The following ECE1 variants were observed in gnomAD, a reference collection of about 807,000 sequenced individuals.
The protein encoded by ECE1 is endothelin-converting enzyme 1.
Under a neutral mutation model 98.6 loss-of-function variants are expected in ECE1, and 35 were observed. The ratio of observed to expected loss-of-function variants is 0.35; its 90% CI spans 0.27 to 0.47. The LOEUF (loss-of-function observed/expected upper bound fraction) is 0.47. Ranked by LOEUF, ECE1 falls within the 20% of genes least tolerant of loss-of-function variation. The pLI is 1.00. For synonymous variants in ECE1, 394 were observed against 407.1 expected (o/e 0.97, Z 0.39); for missense variants, 814 against 1,025.3 (o/e 0.79, Z 2.81).
chr1:21,226,676 T>A (rs925036454), intron 16 of ECE1, among the ~76,000 whole-genome samples: 5 of 152,142 alleles, frequency 3.3e-5, no homozygotes, highest in African/African-American at 1.2e-4. Context: ...ACTATTAAAA[T>A]TTTGCCACCA....
rs1639480370 is a variant in ECE1, at chr1:21,345,436, A to T, written c.-58T>A. On this transcript the variant is annotated 5_prime_UTR_variant, in exon 1 of 19. Transcript: ENST00000415912. This position sits in a 1 kb window ranked among gnomAD's most constrained non-coding sequence, Gnocchi z 5.1. Reference sequence around the variant, plus strand: ...TCCCCGCGCCCGGCTCCCGATTCCCAGCTCCGGGTTCCCTGCTCCCAGCCC... The same window carrying T: ...TCCCCGCGCCCGGCTCCCGATTCCCTGCTCCGGGTTCCCTGCTCCCAGCCC... 3.1e-6 allele frequency: 4 copies of T among 1,298,614 alleles called. No homozygotes were observed. The highest frequency in any genetic ancestry group is 4.0e-6 in the Non-Finnish European group (4 of 1,010,666). The allele number at this position is 1,298,614 out of a possible 1,614,324, so 80.4% of individuals were successfully genotyped here. A position where few individuals can be genotyped will look rare whatever the true frequency, so the allele number is the denominator to read the frequency against.
intron 1 of ECE1, among the ~76,000 whole-genome samples, chr1:21,323,126 T>C (rs1418304545): frequency 1.3e-5 from 2 of 152,218 alleles, no homozygotes; most frequent in East Asian, 3.8e-4. Flanking sequence ...CCTTTTTATT[T>C]TATGATGCAA....
At chr1:21,264,153 G>A (rs1270399285) in intron 4 of ECE1, among the ~76,000 whole-genome samples, 1 of 152,164 alleles carries the variant, frequency 6.6e-6, no homozygotes, top group South Asian at 2.1e-4. Context: ...TTAGGAAGGA[G>A]CTTCAGTGCA....
chr1:21,309,717 A>T (rs1229954013), intron 1 of ECE1, among the ~76,000 whole-genome samples: 1 of 152,094 alleles, frequency 6.6e-6, no homozygotes, highest in African/African-American at 2.4e-5. Context: ...AGCCTCTTCA[A>T]TCAGGACCCT....
At chr1:21,297,309 C>A (rs1638381587) in intron 1 of ECE1, among the ~76,000 whole-genome samples, 2 of 152,214 alleles carry the variant, frequency 1.3e-5, no homozygotes, top group East Asian at 3.9e-4. Flanking sequence ...TGGTCAGCAG[C>A]CTCTCACTCC....
At position 21,327,491 on chromosome 1, in the gene ECE1, C is replaced by T. The variant is rs1639105213; in HGVS notation, c.3+17885G>A. Reference sequence around the variant, plus strand: ...ATTTTCTGATGCCACTCTTGCCCTCCCCACTCAAGTCAAGTTGGATCATCT... The same window carrying T: ...ATTTTCTGATGCCACTCTTGCCCTCTCCACTCAAGTCAAGTTGGATCATCT... On this transcript the variant is annotated intron_variant, in intron 1 of 18. Transcript: ENST00000415912. The surrounding 1 kb of genome is among the most constrained non-coding windows in gnomAD (Gnocchi z 4.6). Among the ~76,000 whole-genome samples the T allele has an allele frequency of 6.6e-6, 1 of 152,198 alleles. No homozygotes were observed. Among genetic ancestry groups the T allele is most frequent in the Non-Finnish European group, 1.5e-5 (1 of 68,026 alleles).
At chr1:21,288,892 G>C (rs1213043897) in intron 2 of ECE1, among the ~76,000 whole-genome samples, 1 of 149,618 alleles carries the variant, frequency 6.7e-6, no homozygotes, top group Admixed American at 6.7e-5. Flanking sequence ...AATCCCTACA[G>C]GTCTCAGGGG....
At chr1:21,343,750 T>G (rs778012680) in intron 1 of ECE1, among the ~76,000 whole-genome samples, 1 of 152,182 alleles carries the variant, frequency 6.6e-6, no homozygotes, top group Non-Finnish European at 1.5e-5. Flanking sequence ...AATAGGCTGG[T>G]GGGCTTCTTC....
At chr1:21,291,716 A>G (rs1046274414), upstream of ECE1, among the ~76,000 whole-genome samples, 1 of 152,144 alleles carries the variant, frequency 6.6e-6, no homozygotes, top group Admixed American at 6.5e-5. Context: ...AATCCTAGCT[A>G]CTCAGGAGGC....
In ECE1 at chr1:21,260,371, C is replaced by T. The variant is rs779283812; in HGVS notation, c.515G>A (p.Ser172Asn). ...TACTTGCGCCTTTCTCTCTGCCTCGCTCACGCTGGCCGTGGAGTTTTCTGG... is the reference window on the plus strand; with the variant it reads ...TACTTGCGCCTTTCTCTCTGCCTCGTTCACGCTGGCCGTGGAGTTTTCTGG... ...HLLENSTASV[S>N]EAERKAQVYY... Residue 172 changes from serine to asparagine, a missense_variant, in exon 5 of 19, where the codon AGC becomes AAC. By Grantham distance (46) the Ser-to-Asn change is conservative. Coordinates refer to ENST00000374893, the MANE Select transcript of ECE1 (RefSeq NM_001397.3). The surrounding 1 kb of genome is among the most constrained non-coding windows in gnomAD (Gnocchi z 4.3). 3 of 1,614,268 alleles carry T rather than the reference C, an allele frequency of 1.9e-6. No individual in the cohort carries two copies. Among genetic ancestry groups the T allele is most frequent in the Non-Finnish European group, 2.5e-6 (3 of 1,180,058 alleles).
rs3026865 is a variant in ECE1, at chr1:21,273,112, C to G, written c.281-201G>C. Among the ~76,000 whole-genome samples, 202 of 152,374 alleles carry G rather than the reference C, an allele frequency of 1.3e-3. 1 individual carries two copies. The East Asian group carries it at 0.031, about 24-fold the overall frequency. ...AGACTTCTACTCAGCTGTCTAAAAT[C>G]CTTCCTGTGGCTAAAAGGTACCCAG... On this transcript the variant is annotated intron_variant, in intron 3 of 18. Transcript: ENST00000374893.
intron 6 of ECE1, among the ~76,000 whole-genome samples, chr1:21,257,953 G>A (rs2098222026): frequency 6.6e-6 from 1 of 152,194 alleles, no homozygotes; most frequent in Admixed American, 6.5e-5. Context: ...GAACCTTTCT[G>A]ATTCTCAGGT....
Position 21,307,797 on chromosome 1 carries a change from T to C in ECE1, c.4-17641A>G, listed in dbSNP as rs1638631025. 6.6e-6 allele frequency among the ~76,000 whole-genome samples: 1 copy of C among 151,520 alleles called. No individual in the cohort carries two copies. The highest frequency in any genetic ancestry group is 2.4e-5 in the African/African-American group (1 of 41,366). ...ATGGGAAGGGACAGATAAGCCTCTATGAAAGGTGGCCAGGCACAGGAAAGA... is the reference window on the plus strand; with the variant it reads ...ATGGGAAGGGACAGATAAGCCTCTACGAAAGGTGGCCAGGCACAGGAAAGA... On this transcript the variant is annotated intron_variant, in intron 1 of 18. Transcript: ENST00000415912. The surrounding 1 kb of genome is among the most constrained non-coding windows in gnomAD (Gnocchi z 4.2).
chr1:21,313,816 C>A (rs369991764), intron 1 of ECE1, among the ~76,000 whole-genome samples: 13 of 152,288 alleles, frequency 8.5e-5, no homozygotes, highest in East Asian at 7.7e-4. Flanking sequence ...TGAAAAGGCA[C>A]ATGGGGAATT....
In ECE1 at chr1:21,225,566, A is replaced by G. The variant is rs1573929717; in HGVS notation, c.1850-126T>C. ...CCCGTCCTCCAGCCACCATGGGGAG[A>G]CGAGGTCCCTGTGAGTGCCGAGGGA... On this transcript the variant is annotated intron_variant, in intron 16 of 18. Coordinates refer to ENST00000374893, the MANE Select transcript of ECE1 (RefSeq NM_001397.3). This position sits in a 1 kb window ranked among gnomAD's most constrained non-coding sequence, Gnocchi z 5.3. The G allele has an allele frequency of 9.0e-7, 1 of 1,109,534 alleles. No individual in the cohort carries two copies. Among genetic ancestry groups the G allele is most frequent in the Non-Finnish European group, 1.3e-6 (1 of 774,114 alleles). 68.7% of individuals were successfully genotyped at this position (1,109,534 alleles called of 1,614,324 possible). A position where few individuals can be genotyped will look rare whatever the true frequency, so the allele number is the denominator to read the frequency against.
intron 14 of ECE1, 143 bp from the exon 15 acceptor site, chr1:21,228,184 G>A: frequency 9.8e-6 from 6 of 613,530 alleles, no homozygotes; most frequent in South Asian, 9.6e-5. Flanking sequence ...GTGCACACAA[G>A]TACAAGGACA....
intron 1 of ECE1, among the ~76,000 whole-genome samples, chr1:21,310,183 G>A (rs558370346): frequency 1.3e-5 from 2 of 152,294 alleles, no homozygotes; most frequent in South Asian, 4.1e-4. Context: ...GACGATCCAG[G>A]AGTTCAGATG....
In ECE1 at chr1:21,260,338, C is replaced by T. The variant is rs150644074; in HGVS notation, c.548G>A (p.Arg183His). Residue 183 changes from arginine (R) to histidine (H), a missense_variant, in exon 5 of 19, where the codon CGT becomes CAT. Physicochemically the swap from Arg to His is conservative, Grantham distance 29. Around this residue, in one of 3 missense-constraint regions of ECE1, gnomAD observed 257 missense variants for 278.9 expected, o/e 0.92. Transcript: ENST00000374893. This position sits in a 1 kb window ranked among gnomAD's most constrained non-coding sequence, Gnocchi z 4.3. ...GATCCTGGTCTCGTTCATGCACGCA[C>T]GGTAGTATACTTGCGCCTTTCTCTC... ...EAERKAQVYYRACMNETRIEE... is the reference protein window; with the variant it reads ...EAERKAQVYYHACMNETRIEE... 40 of 1,614,144 alleles carry T rather than the reference C, an allele frequency of 2.5e-5. No individual in the cohort carries two copies. In the African/African-American group the frequency reaches 3.9e-4, roughly 16 times the overall value.
At chr1:21,265,034 A>G (rs1481723622) in intron 4 of ECE1, among the ~76,000 whole-genome samples, 1 of 152,060 alleles carries the variant, frequency 6.6e-6, no homozygotes, top group Non-Finnish European at 1.5e-5. Context: ...TCTCTTTACA[A>G]TCCTATCATG....
Sources: gnomAD v4.1 joint callset for allele counts (sites outside exome capture counted in the v4.1 genomes callset) on GRCh38, gnomAD v4.1.1 for gene constraint, gnomAD v4.1.1 regional missense constraint, Gnocchi (gnomAD v3.1) non-coding constraint, MANE v1.5 for transcripts, NCBI Gene and HGNC (gene_info 2026-07-23, HGNC 2026-07-21) for gene names.